Variants in MGAT5 observed in about 807,000 individuals in gnomAD.
The protein encoded by MGAT5 is alpha-1,6-mannosylglycoprotein 6-beta-N-acetylglucosaminyltransferase A.
In MGAT5, 30 loss-of-function variants were observed where a neutral mutation model predicts 94.3. The observed-to-expected ratio is 0.32, with a 90% CI of 0.24 to 0.43. MGAT5 has a LOEUF of 0.43. MGAT5 is among the 20% of genes least tolerant of loss of function. MGAT5 has a pLI of 1.00. For synonymous variants in MGAT5, 310 were observed against 322.9 expected (o/e 0.96, Z 0.43); for missense variants, 691 against 905.5 (o/e 0.76, Z 3.04).
chr2:134,442,210 G>A (rs76602360), intron 15 of MGAT5, among the ~76,000 whole-genome samples: 18,261 of 152,050 alleles, frequency 0.12, 1,122 homozygotes, highest in Middle Eastern at 0.27. Flanking sequence ...GGAGGTGTTC[G>A]GCTTGCTAAT....
intron 12 of MGAT5, among the ~76,000 whole-genome samples, 177 bp from the exon 13 acceptor site, chr2:134,422,626 C>T (rs1005494238): frequency 6.6e-6 from 1 of 152,174 alleles, no homozygotes; most frequent in Non-Finnish European, 1.5e-5. Flanking sequence ...ATTCAAGGTA[C>T]AGAACCATCA....
chr2:134,428,471 C>T (rs1410787735), intron 14 of MGAT5, 32 bp downstream of exon 14: 3 of 1,577,840 alleles, frequency 1.9e-6, no homozygotes, highest in Admixed American at 1.7e-5. Flanking sequence ...TCTGTCTTTG[C>T]TGTGTACTGC....
chr2:134,437,145 T>C (rs1279096259), intron 14 of MGAT5, among the ~76,000 whole-genome samples: 1 of 152,138 alleles, frequency 6.6e-6, no homozygotes, highest in Non-Finnish European at 1.5e-5. Context: ...CGCGCCACCA[T>C]GCCTAGCAAT....
chr2:134,289,329 G>A (rs1456622137), intron 2 of MGAT5, among the ~76,000 whole-genome samples: 1 of 152,118 alleles, frequency 6.6e-6, no homozygotes, highest in East Asian at 1.9e-4. Flanking sequence ...CCAGGGTGCC[G>A]ATCTCTCTTC....
chr2:134,150,965 T>C (rs1041707638), intron 1 of MGAT5, among the ~76,000 whole-genome samples: 6 of 152,164 alleles, frequency 3.9e-5, no homozygotes, highest in African/African-American at 1.4e-4. Flanking sequence ...GAGGCTGTTG[T>C]GACTTGGGCT....
intron 11 of MGAT5, among the ~76,000 whole-genome samples, chr2:134,407,674 G>T (rs1381606286): frequency 1.3e-5 from 2 of 152,098 alleles, no homozygotes; most frequent in African/African-American, 2.4e-5. Flanking sequence ...AAGCAGTTTT[G>T]CCCACAAGGA....
At chr2:134,370,155 A>T (rs1680694886) in intron 10 of MGAT5, among the ~76,000 whole-genome samples, 1 of 152,230 alleles carries the variant, frequency 6.6e-6, no homozygotes, top group South Asian at 2.1e-4. Context: ...ATTTGGAGAA[A>T]TGCCATTTTA....
At chr2:134,176,379 C>T (rs1455186160) in intron 1 of MGAT5, among the ~76,000 whole-genome samples, 1 of 151,938 alleles carries the variant, frequency 6.6e-6, no homozygotes, top group African/African-American at 2.4e-5. Flanking sequence ...CGAGAACAGC[C>T]TGGCCAACGT....
Position 134,449,087 on chromosome 2 carries a change from TTC to T in MGAT5, c.*242_*243del. On this transcript the variant is annotated 3_prime_UTR_variant, in exon 16 of 16. Coordinates refer to ENST00000281923, the MANE Select transcript of MGAT5 (RefSeq NM_002410.5). ...TGGCTTGTCCCTGGCACAACATCAT[TTC>T]TGTTTCTCAAGGAGCAACTGTGGGA... 1 of 549,462 alleles carries T rather than the reference TTC, an allele frequency of 1.8e-6. No homozygotes were observed. Among genetic ancestry groups the T allele is most frequent in the Non-Finnish European group, 3.3e-6 (1 of 306,018 alleles). 34.0% of individuals were successfully genotyped at this position (549,462 alleles called of 1,614,324 possible). A position where few individuals can be genotyped will look rare whatever the true frequency, so the allele number is the denominator to read the frequency against.
At chr2:134,276,759 G>T (rs554865862) in intron 2 of MGAT5, among the ~76,000 whole-genome samples, 86 of 152,308 alleles carry the variant, frequency 5.6e-4, no homozygotes, top group African/African-American at 1.9e-3. Flanking sequence ...GGAGTGAAAT[G>T]CATATGAATG....
chr2:134,129,501 A>G (rs1277350752), intron 1 of MGAT5, among the ~76,000 whole-genome samples: 1 of 152,148 alleles, frequency 6.6e-6, no homozygotes, highest in African/African-American at 2.4e-5. Flanking sequence ...AAAACTCCAA[A>G]TAAGGAACTG....
chr2:134,171,498 A>G (rs1345588991), intron 1 of MGAT5, among the ~76,000 whole-genome samples: 1 of 152,156 alleles, frequency 6.6e-6, no homozygotes, highest in Non-Finnish European at 1.5e-5. Flanking sequence ...CTAATAATGG[A>G]TGGATTTGGA....
chr2:134,342,422 T>C (rs1403765806), intron 7 of MGAT5, among the ~76,000 whole-genome samples: 1 of 152,142 alleles, frequency 6.6e-6, no homozygotes, highest in Non-Finnish European at 1.5e-5. Context: ...TGTCGTATAT[T>C]TCCAGAAGGA....
chr2:134,446,044 G>A (rs1417606542), intron 15 of MGAT5, among the ~76,000 whole-genome samples: 1 of 152,166 alleles, frequency 6.6e-6, no homozygotes, highest in East Asian at 1.9e-4. Flanking sequence ...CCAGGGGGTT[G>A]GTTAGAGCCC....
Position 134,319,208 on chromosome 2 carries a change from C to T in MGAT5, c.573+469C>T, listed in dbSNP as rs1227595510. On this transcript the variant is annotated intron_variant, in intron 4 of 15. Transcript: ENST00000281923. ...GTGAAATTGATGGATCATATGGTAA[C>T]TGTATTGTTAATTTTGGGGGGAATT... Among the ~76,000 whole-genome samples the T allele has an allele frequency of 5.3e-5, 8 of 152,156 alleles. No homozygotes were observed. The East Asian group carries it at 1.5e-3, about 29-fold the overall frequency.
At chr2:134,375,976 G>A (rs1250189561) in intron 10 of MGAT5, among the ~76,000 whole-genome samples, 1 of 152,160 alleles carries the variant, frequency 6.6e-6, no homozygotes, top group East Asian at 1.9e-4. Context: ...TTGTCCCCAG[G>A]CACTCCAGAG....
intron 14 of MGAT5, 109 bp downstream of exon 14, chr2:134,428,548 T>C (rs1684712440): frequency 2.0e-6 from 2 of 981,680 alleles, no homozygotes; most frequent in South Asian, 2.9e-5. Context: ...GCTATTTTCC[T>C]GCTTTGGGAG....
intron 4 of MGAT5, among the ~76,000 whole-genome samples, chr2:134,325,612 A>C (rs1687595686): frequency 6.6e-6 from 1 of 152,146 alleles, no homozygotes; most frequent in Admixed American, 6.6e-5. Context: ...ATAACTGCTA[A>C]TACTATTTCA....
intron 1 of MGAT5, among the ~76,000 whole-genome samples, chr2:134,227,674 T>C (rs1391418832): frequency 3.9e-5 from 6 of 152,172 alleles, no homozygotes; most frequent in Admixed American, 2.0e-4. Flanking sequence ...GGGAAAACTT[T>C]CTCAAGAAGG....
Sources: gnomAD v4.1 joint callset for allele counts (sites outside exome capture counted in the v4.1 genomes callset) on GRCh38, gnomAD v4.1.1 for gene constraint, MANE v1.5 for transcripts, NCBI Gene and HGNC (gene_info 2026-07-23, HGNC 2026-07-21) for gene names.